Variants in RAP1GDS1 observed in about 807,000 individuals in gnomAD.
The protein encoded by RAP1GDS1 is Rap1 GTPase-GDP dissociation stimulator 1.
Under a neutral mutation model 71.1 loss-of-function variants are expected in RAP1GDS1, and 35 were observed. The ratio of observed to expected loss-of-function variants is 0.49; its 90% confidence interval spans 0.38 to 0.65. RAP1GDS1 has a LOEUF of 0.65. Among genes scored for constraint, RAP1GDS1 ranks in the 30% least tolerant of loss-of-function variants. RAP1GDS1 has a pLI of 0.00. For synonymous variants in RAP1GDS1, 229 were observed against 243.1 expected (o/e 0.94, Z 0.54); for missense variants, 663 against 706.1 (o/e 0.94, Z 0.69).
chr4:98,306,381 G>A (rs1378610829), intron 2 of RAP1GDS1, among the ~76,000 whole-genome samples: 1 of 152,178 alleles, frequency 6.6e-6, no homozygotes, highest in East Asian at 1.9e-4. Context: ...GACAGAAGGT[G>A]GAAGGGAAGG....
At chr4:98,266,183 G>T (rs187022670) in intron 1 of RAP1GDS1, among the ~76,000 whole-genome samples, 451 of 152,044 alleles carry the variant, frequency 3.0e-3, no homozygotes, top group Non-Finnish European at 4.7e-3. Context: ...CATGTCTAAG[G>T]ATAATTTTTA....
At chr4:98,331,026 G>A (rs378123) in intron 2 of RAP1GDS1, among the ~76,000 whole-genome samples, 9,367 of 152,246 alleles carry the variant, frequency 0.062, 427 homozygotes, top group Middle Eastern at 0.16. Context: ...CTGAGTGAGC[G>A]AGACTCCGTC....
intron 7 of RAP1GDS1, among the ~76,000 whole-genome samples, chr4:98,411,481 C>A (rs971005322): frequency 1.3e-5 from 2 of 152,118 alleles, no homozygotes; most frequent in African/African-American, 4.8e-5. Context: ...TTTAAAACTA[C>A]AATATTGACA....
At chr4:98,427,972 A>C (rs1471736097) in intron 12 of RAP1GDS1, among the ~76,000 whole-genome samples, 1 of 152,248 alleles carries the variant, frequency 6.6e-6, no homozygotes, top group Admixed American at 6.5e-5. Context: ...ATAAGGCCAC[A>C]GTCATCAAAA....
intron 2 of RAP1GDS1, among the ~76,000 whole-genome samples, chr4:98,331,325 G>A (rs1035652447): frequency 6.7e-6 from 1 of 150,024 alleles, no homozygotes; most frequent in African/African-American, 2.5e-5. Context: ...ACCGTGGAAA[G>A]CGGGAGACAG....
chr4:98,335,015 A>G (rs1734510902), intron 2 of RAP1GDS1, among the ~76,000 whole-genome samples: 1 of 151,962 alleles, frequency 6.6e-6, no homozygotes, highest in Non-Finnish European at 1.5e-5. Context: ...AGTTTGAATA[A>G]TGACTGTTTG....
chr4:98,272,766 T>A (rs1723655390), intron 1 of RAP1GDS1, among the ~76,000 whole-genome samples: 1 of 152,110 alleles, frequency 6.6e-6, no homozygotes, highest in Non-Finnish European at 1.5e-5. Context: ...ACTGAACTGG[T>A]CATCTCCAGT....
intron 7 of RAP1GDS1, chr4:98,409,299 A>T (rs1053136246): frequency 1.3e-5 from 2 of 152,422 alleles, no homozygotes; most frequent in Non-Finnish European, 2.9e-5. Context: ...AATAATGAAC[A>T]CAAAGGGAAA....
chr4:98,423,510 G>C (rs1015450743), intron 12 of RAP1GDS1, among the ~76,000 whole-genome samples: 1 of 151,872 alleles, frequency 6.6e-6, no homozygotes, highest in African/African-American at 2.4e-5. Flanking sequence ...ATTATTTGAG[G>C]GTTTTTTTGT....
chr4:98,271,236 A>G (rs1394800559), intron 1 of RAP1GDS1, among the ~76,000 whole-genome samples: 1 of 152,186 alleles, frequency 6.6e-6, no homozygotes, highest in Non-Finnish European at 1.5e-5. Flanking sequence ...ATTTATTAAT[A>G]TCTGGGCTAC....
In RAP1GDS1 at chr4:98,442,680, C is replaced by A. The variant is rs1752019729; in HGVS notation, c.*563C>A. ...CTTACTCTTTAACTTCTGGTTTCTC[C>A]TTTTTCCTTTTTAGACTATTGAAAC... On this transcript the variant is annotated 3_prime_UTR_variant, in exon 15 of 15. Transcript: ENST00000408927. The A allele has an allele frequency of 4.4e-6, 1 of 227,378 alleles. No homozygotes were observed. The highest frequency in any genetic ancestry group is 2.2e-5 in the African/African-American group (1 of 45,020). 14.1% of individuals were successfully genotyped at this position (227,378 alleles called of 1,614,324 possible).
chr4:98,303,444 A>G (rs1388742676), intron 2 of RAP1GDS1, among the ~76,000 whole-genome samples: 2 of 151,772 alleles, frequency 1.3e-5, no homozygotes, highest in South Asian at 2.1e-4. Context: ...TATTGATTAT[A>G]TATTAAATCT....
intron 4 of RAP1GDS1, among the ~76,000 whole-genome samples, chr4:98,365,777 TA>T (rs1196866811): frequency 6.6e-6 from 1 of 152,218 alleles, no homozygotes; most frequent in East Asian, 1.9e-4. Context: ...TATACCCTTT[TA>T]AATATCTCTA....
intron 2 of RAP1GDS1, among the ~76,000 whole-genome samples, chr4:98,331,025 C>T (rs1184498956): frequency 6.6e-6 from 1 of 152,088 alleles, no homozygotes. Context: ...ACTGAGTGAG[C>T]GAGACTCCGT....
At chr4:98,326,266 A>T (rs1383519925) in intron 2 of RAP1GDS1, among the ~76,000 whole-genome samples, 1 of 152,178 alleles carries the variant, frequency 6.6e-6, no homozygotes, top group Non-Finnish European at 1.5e-5. Flanking sequence ...TCCCCAATAA[A>T]TCAAAAACCT....
chr4:98,371,145 C>G (rs1231486394), intron 4 of RAP1GDS1, among the ~76,000 whole-genome samples: 1 of 145,430 alleles, frequency 6.9e-6, no homozygotes, highest in Non-Finnish European at 1.5e-5. Context: ...GACGAAGTCT[C>G]TCTGTCACAC....
At chr4:98,417,548 AT>A in intron 9 of RAP1GDS1, 50 bp downstream of exon 9, 1 of 1,571,216 alleles carries the variant, frequency 6.4e-7, no homozygotes, top group South Asian at 1.1e-5. Flanking sequence ...ATATTTGTTT[AT>A]TTTTGCTTTG....
chr4:98,271,310 A>G (rs560033919), intron 1 of RAP1GDS1, among the ~76,000 whole-genome samples: 11 of 152,166 alleles, frequency 7.2e-5, no homozygotes, highest in African/African-American at 2.7e-4. Context: ...TCAAAATAAA[A>G]CTCATTTTAT....
chr4:98,391,314 C>T (rs1252454107), intron 5 of RAP1GDS1, among the ~76,000 whole-genome samples: 2 of 152,202 alleles, frequency 1.3e-5, no homozygotes, highest in African/African-American at 4.8e-5. Context: ...AGACTTTCCT[C>T]TCTCTTACTG....
Sources: gnomAD v4.1 joint callset for allele counts (sites outside exome capture counted in the v4.1 genomes callset) on GRCh38, gnomAD v4.1.1 for gene constraint, MANE v1.5 for transcripts, NCBI Gene and HGNC (gene_info 2026-07-23, HGNC 2026-07-21) for gene names.